PTH2R: variants seen among roughly 807,000 people sequenced by gnomAD.
The protein encoded by PTH2R is parathyroid hormone 2 receptor, also known as PTH2 receptor.
A neutral mutation model predicts 60.3 loss-of-function variants in PTH2R; 59 were observed. The observed-to-expected ratio is 0.98, with a 90% CI of 0.79 to 1.22. The LOEUF (loss-of-function observed/expected upper bound fraction) is 1.22. PTH2R is among the 50% of genes most tolerant of loss of function. PTH2R has a pLI of 0.00. For missense variants in PTH2R, 749 were observed against 682.6 expected (o/e 1.10, Z -1.08); for synonymous variants, 256 against 243.8 (o/e 1.05, Z -0.47).
intron 9 of PTH2R, among the ~76,000 whole-genome samples, chr2:208,477,079 G>A (rs1256209413): frequency 6.6e-6 from 1 of 152,164 alleles, no homozygotes; most frequent in South Asian, 2.1e-4. Context: ...TTTAGAGCAC[G>A]CATATCTCAT....
At chr2:208,443,309 T>C (rs1328098622) in intron 5 of PTH2R, 39 bp from the exon 6 acceptor site, 1 of 1,476,120 alleles carries the variant, frequency 6.8e-7, no homozygotes, top group Non-Finnish European at 9.0e-7. Flanking sequence ...CCATTTTTAA[T>C]TTTATCCAAA....
intron 1 of PTH2R, among the ~76,000 whole-genome samples, chr2:208,374,282 T>G (rs1194107529): frequency 1.3e-5 from 2 of 152,074 alleles, no homozygotes; most frequent in African/African-American, 4.8e-5. Context: ...AAGTACCCCT[T>G]ATTTTTCCTA....
intron 1 of PTH2R, among the ~76,000 whole-genome samples, chr2:208,373,314 T>G (rs773304437): frequency 1.3e-4 from 20 of 152,116 alleles, no homozygotes; most frequent in Non-Finnish European, 2.4e-4. Flanking sequence ...TAAATCTTTT[T>G]TTTGGTTTGT....
At chr2:208,401,325 G>A (rs547211820) in intron 1 of PTH2R, among the ~76,000 whole-genome samples, 1 of 152,248 alleles carries the variant, frequency 6.6e-6, no homozygotes, top group East Asian at 1.9e-4. Context: ...TACCTGAAAT[G>A]GAACATGAGG....
chr2:208,376,325 T>C (rs1700790130), intron 1 of PTH2R, among the ~76,000 whole-genome samples: 1 of 152,166 alleles, frequency 6.6e-6, no homozygotes, highest in South Asian at 2.1e-4. Flanking sequence ...GGAACTTTCT[T>C]ATCCACATTG....
intron 10 of PTH2R, among the ~76,000 whole-genome samples, chr2:208,481,514 G>A (rs757611066): frequency 2.0e-5 from 3 of 151,788 alleles, no homozygotes; most frequent in Non-Finnish European, 2.9e-5. Flanking sequence ...CCCGGCCTTT[G>A]GTTACTATTT....
At chr2:208,491,110 G>A (rs773630552) in intron 12 of PTH2R, among the ~76,000 whole-genome samples, 2 of 152,128 alleles carry the variant, frequency 1.3e-5, no homozygotes, top group Non-Finnish European at 2.9e-5. Flanking sequence ...GGAGTTGGCT[G>A]GAGAGAAGTA....
At chr2:208,476,850 C>T (rs145187183) in intron 9 of PTH2R, among the ~76,000 whole-genome samples, 1 of 152,214 alleles carries the variant, frequency 6.6e-6, no homozygotes, top group Non-Finnish European at 1.5e-5. Flanking sequence ...CACTGAAGAA[C>T]CCCATAATTA....
At chr2:208,365,693 C>A (rs1165889239) in intron 1 of PTH2R, among the ~76,000 whole-genome samples, 2 of 149,104 alleles carry the variant, frequency 1.3e-5, no homozygotes, top group African/African-American at 2.5e-5. Context: ...AAAGAATGAC[C>A]TTGGAAGTAT....
At chr2:208,488,523 A>G (rs1703323992) in intron 10 of PTH2R, among the ~76,000 whole-genome samples, 1 of 152,170 alleles carries the variant, frequency 6.6e-6, no homozygotes, top group African/African-American at 2.4e-5. Context: ...CCTTTAAGCA[A>G]GAGGAGTGGA....
intron 2 of PTH2R, among the ~76,000 whole-genome samples, chr2:208,434,214 T>A (rs539931538): frequency 6.6e-6 from 1 of 151,690 alleles, no homozygotes; most frequent in Admixed American, 6.6e-5. Context: ...CTTGGGAGGA[T>A]GAACAGGAAA....
At chr2:208,466,428 C>G (rs1702753336) in intron 9 of PTH2R, 1 of 152,288 alleles carries the variant, frequency 6.6e-6, no homozygotes, top group Non-Finnish European at 1.5e-5. Flanking sequence ...GTTTCTTGCA[C>G]CAGATGCTAG....
chr2:208,393,290 C>CA, intron 1 of PTH2R, among the ~76,000 whole-genome samples: 1 of 92,360 alleles, frequency 1.1e-5, no homozygotes, highest in Non-Finnish European at 2.8e-5. Context: ...AGCTGTCCCT[C>CA]AACTGAATCA....
chr2:208,382,988 T>A (rs955178200), intron 1 of PTH2R, among the ~76,000 whole-genome samples: 6 of 152,252 alleles, frequency 3.9e-5, no homozygotes, highest in Non-Finnish European at 8.8e-5. Context: ...ATCATTTGCA[T>A]TATTAGTCTA....
At chr2:208,390,677 T>A (rs907502444) in intron 1 of PTH2R, among the ~76,000 whole-genome samples, 2 of 152,188 alleles carry the variant, frequency 1.3e-5, no homozygotes, top group African/African-American at 2.4e-5. Context: ...TAATTGAGAT[T>A]CTCTGTCTGA....
chr2:208,413,961 C>G (rs977500626), intron 1 of PTH2R, among the ~76,000 whole-genome samples: 1 of 152,060 alleles, frequency 6.6e-6, no homozygotes, highest in African/African-American at 2.4e-5. Flanking sequence ...TGTGTTTGTT[C>G]CCGTACATCT....
At chr2:208,419,791 A>G (rs1423017276) in intron 1 of PTH2R, among the ~76,000 whole-genome samples, 2 of 152,150 alleles carry the variant, frequency 1.3e-5, no homozygotes, top group Non-Finnish European at 2.9e-5. Context: ...TCCTTTCTCC[A>G]TTGCTTGTTT....
intron 9 of PTH2R, among the ~76,000 whole-genome samples, chr2:208,468,605 G>T (rs765604379): frequency 3.3e-5 from 5 of 152,112 alleles, no homozygotes; most frequent in Non-Finnish European, 5.9e-5. Flanking sequence ...TGTTCTACAT[G>T]CCCCACTGTA....
At chr2:208,423,107 T>C (rs1701789226) in intron 1 of PTH2R, among the ~76,000 whole-genome samples, 1 of 152,150 alleles carries the variant, frequency 6.6e-6, no homozygotes, top group South Asian at 2.1e-4. Context: ...CTCTTAACTT[T>C]ATGATGTCCT....
Sources: gnomAD v4.1 joint callset for allele counts (sites outside exome capture counted in the v4.1 genomes callset) on GRCh38, gnomAD v4.1.1 for gene constraint, MANE v1.5 for transcripts, NCBI Gene and HGNC (gene_info 2026-07-23, HGNC 2026-07-21) for gene names.